Variants in CNTN5 observed in about 807,000 individuals in gnomAD.
CNTN5 encodes the protein contactin-5.
A neutral mutation model predicts 129.1 loss-of-function variants in CNTN5; 77 were observed. The ratio of observed to expected loss-of-function variants is 0.60; its 90% confidence interval spans 0.50 to 0.72. CNTN5 has a LOEUF of 0.72. Among genes scored for constraint, CNTN5 ranks in the 30% least tolerant of loss-of-function variants. The probability of loss-of-function intolerance (pLI) is 0.00; values close to 1 mark genes in which losing one functional copy is unlikely to be tolerated. For synonymous variants in CNTN5, 509 were observed against 465.6 expected, an observed-to-expected ratio of 1.09 and a Z score of -1.20; for missense variants, 1,478 against 1,328.8, an observed-to-expected ratio of 1.11 and a Z score of -1.75.
intron 21 of CNTN5, among the ~76,000 whole-genome samples, chr11:100,327,759 GT>G (rs1951820317): frequency 1.3e-5 from 2 of 152,052 alleles, no homozygotes; most frequent in Admixed American, 6.5e-5. Flanking sequence ...GAATTAACAA[GT>G]TTTTAGAACT....
chr11:99,219,517 A>G (rs1049291799), intron 1 of CNTN5, among the ~76,000 whole-genome samples: 1 of 151,888 alleles, frequency 6.6e-6, no homozygotes, highest in Non-Finnish European at 1.5e-5. Flanking sequence ...TTCTTATTCT[A>G]CAAAACATAA....
chr11:100,279,910 C>CT (rs58391412), intron 18 of CNTN5, among the ~76,000 whole-genome samples: 1,700 of 114,658 alleles, frequency 0.015, 40 homozygotes, highest in African/African-American at 0.053. Flanking sequence ...TTTTCTTTTT[C>CT]TTTTTTTTTT....
At chr11:99,380,395 C>T (rs916343612) in intron 2 of CNTN5, among the ~76,000 whole-genome samples, 5 of 152,114 alleles carry the variant, frequency 3.3e-5, no homozygotes, top group African/African-American at 1.2e-4. Flanking sequence ...GTCTATAAAA[C>T]CTTTTTGTAA....
intron 3 of CNTN5, among the ~76,000 whole-genome samples, chr11:99,611,125 G>C (rs955149111): frequency 1.3e-5 from 2 of 152,120 alleles, no homozygotes; most frequent in African/African-American, 4.8e-5. Flanking sequence ...AACAAAGACA[G>C]CTTAGGCTGT....
intron 1 of CNTN5, among the ~76,000 whole-genome samples, chr11:99,103,387 C>T (rs913397362): frequency 6.6e-6 from 1 of 152,182 alleles, no homozygotes; most frequent in African/African-American, 2.4e-5. Context: ...ACCCCTATGC[C>T]ATGCTGTTGC....
At chr11:99,577,027 T>C (rs907516178) in intron 3 of CNTN5, among the ~76,000 whole-genome samples, 4 of 152,218 alleles carry the variant, frequency 2.6e-5, no homozygotes, top group African/African-American at 9.6e-5. Flanking sequence ...GAGGGATTTC[T>C]ATGGTATTAT....
chr11:100,036,506 A>C (rs1225566076), intron 9 of CNTN5, among the ~76,000 whole-genome samples: 97 of 145,322 alleles, frequency 6.7e-4, no homozygotes, highest in African/African-American at 8.0e-4. Context: ...TCTGTGAAGA[A>C]AGTCATTGGT....
intron 7 of CNTN5, among the ~76,000 whole-genome samples, chr11:99,916,731 G>A (rs77385227): frequency 1.6e-3 from 239 of 152,088 alleles, no homozygotes; most frequent in African/African-American, 5.4e-3. Context: ...TTAATTATAC[G>A]TCCTTTTGCA....
At chr11:99,594,233 T>C (rs1215579571) in intron 3 of CNTN5, among the ~76,000 whole-genome samples, 3 of 152,182 alleles carry the variant, frequency 2.0e-5, no homozygotes, top group African/African-American at 7.2e-5. Flanking sequence ...TCTTCTAGCA[T>C]TGTGGAAAGT....
At chr11:99,403,297 G>C (rs11522688) in intron 2 of CNTN5, among the ~76,000 whole-genome samples, 1 of 151,960 alleles carries the variant, frequency 6.6e-6, no homozygotes, top group Non-Finnish European at 1.5e-5. Flanking sequence ...ACCACGCCTG[G>C]CTTGTTTAAC....
chr11:99,425,123 G>A (rs529065114), intron 2 of CNTN5, among the ~76,000 whole-genome samples: 2 of 152,206 alleles, frequency 1.3e-5, no homozygotes, highest in Non-Finnish European at 2.9e-5. Context: ...GTCTCTGTGA[G>A]TCTGGCTGAG....
At chr11:100,206,170 C>T (rs1693269093) in intron 15 of CNTN5, among the ~76,000 whole-genome samples, 1 of 151,958 alleles carries the variant, frequency 6.6e-6, no homozygotes, top group South Asian at 2.1e-4. Context: ...ACTTCCTAAA[C>T]CAAATGTTAC....
intron 3 of CNTN5, among the ~76,000 whole-genome samples, chr11:99,684,889 G>C (rs1399550541): frequency 7.1e-6 from 1 of 140,140 alleles, no homozygotes; most frequent in Non-Finnish European, 1.5e-5. Flanking sequence ...GTAATTGTTG[G>C]AAAAAACAAA....
At chr11:100,227,263 T>A (rs903784528) in intron 16 of CNTN5, among the ~76,000 whole-genome samples, 1 of 152,140 alleles carries the variant, frequency 6.6e-6, no homozygotes, top group Admixed American at 6.6e-5. Flanking sequence ...TTCCTTCCCA[T>A]GAGAGATAGT....
At chr11:100,282,236 G>A (rs895491647) in intron 18 of CNTN5, among the ~76,000 whole-genome samples, 4 of 152,168 alleles carry the variant, frequency 2.6e-5, no homozygotes, top group Middle Eastern at 6.8e-3. Context: ...TGCCTTTCGT[G>A]GGCAGGCTTT....
At chr11:99,290,155 T>C (rs988657559) in intron 1 of CNTN5, among the ~76,000 whole-genome samples, 2 of 151,788 alleles carry the variant, frequency 1.3e-5, no homozygotes, top group Admixed American at 1.3e-4. Flanking sequence ...TACTGAATGC[T>C]TATTGAGCGC....
chr11:99,559,924 T>G (rs1168810619), intron 3 of CNTN5, among the ~76,000 whole-genome samples: 1 of 152,094 alleles, frequency 6.6e-6, no homozygotes, highest in Non-Finnish European at 1.5e-5. Context: ...TATATACAAA[T>G]GGCTAATTGA....
At chr11:99,594,802 G>A (rs1475503853) in intron 3 of CNTN5, among the ~76,000 whole-genome samples, 1 of 152,078 alleles carries the variant, frequency 6.6e-6, no homozygotes, top group African/African-American at 2.4e-5. Context: ...TGTAAAAGGT[G>A]GTGTTTTCAT....
At chr11:99,403,274 A>G (rs1489816510) in intron 2 of CNTN5, among the ~76,000 whole-genome samples, 1 of 152,180 alleles carries the variant, frequency 6.6e-6, no homozygotes, top group African/African-American at 2.4e-5. Flanking sequence ...TGCTGGGATT[A>G]CAGGCATAAG....
Sources: allele counts gnomAD v4.1 joint callset (sites outside exome capture counted in the v4.1 genomes callset), GRCh38; gene constraint gnomAD v4.1.1; transcripts MANE v1.5; gene names NCBI Gene and HGNC (gene_info 2026-07-23, HGNC 2026-07-21).